UBE3C: variants seen among roughly 807,000 people sequenced by gnomAD.
UBE3C encodes ubiquitin protein ligase E3C.
In UBE3C, 42 loss-of-function variants were observed where a neutral mutation model predicts 129.4. The ratio of observed to expected loss-of-function variants is 0.32; its 90% CI spans 0.25 to 0.42. UBE3C has a LOEUF of 0.42. UBE3C is among the 10% of genes least tolerant of loss of function. The pLI is 1.00. For missense variants in UBE3C, 1,049 were observed against 1,319.1 expected, an observed-to-expected ratio of 0.80 and a Z score of 3.17; for synonymous variants, 510 against 492.4, an observed-to-expected ratio of 1.04 and a Z score of -0.47.
rs555120041 is a variant in UBE3C, at chr7:157,201,963, A to G, written c.1418+156A>G. 3.3e-5 allele frequency among the ~76,000 whole-genome samples: 5 copies of G among 152,310 alleles called. No individual in the cohort carries two copies. In the South Asian group the frequency reaches 8.3e-4, roughly 25 times the overall value. ...AGATGGTCTCAGTTGCACAAAAAGA[A>G]AAATCAGTGTCTAATCTTAACAGTT... is the stretch of plus-strand genomic sequence containing the variant. On this transcript the variant is annotated intron_variant, in intron 11 of 22. Transcript: ENST00000348165.
At position 157,181,358 on chromosome 7, in the gene UBE3C, C is replaced by T. The variant is rs554678238; in HGVS notation, c.617-160C>T. On this transcript the variant is annotated intron_variant, in intron 6 of 22. Coordinates refer to ENST00000348165, the MANE Select transcript of UBE3C (RefSeq NM_014671.3). ...TGGTACATGAGGTTTGTATACCGTT[C>T]GGCTGCCTATATATTTGTTTAGTTT... is the stretch of plus-strand genomic sequence containing the variant. Among the ~76,000 whole-genome samples the T allele has an allele frequency of 1.3e-4, 20 of 152,224 alleles. No homozygotes were observed. The East Asian group carries it at 3.7e-3, about 28-fold the overall frequency.
chr7:157,233,990 A>T (rs1435652298), intron 18 of UBE3C, among the ~76,000 whole-genome samples: 1 of 152,210 alleles, frequency 6.6e-6, no homozygotes, highest in African/African-American at 2.4e-5. Flanking sequence ...CTGTTGAGAA[A>T]TGTCTATTCA....
chr7:157,187,188 T>C (rs1808831033), intron 10 of UBE3C, among the ~76,000 whole-genome samples, 167 bp downstream of exon 10: 1 of 152,204 alleles, frequency 6.6e-6, no homozygotes. Flanking sequence ...GTTTTTCTTT[T>C]CTAAACCAAC....
At chr7:157,211,166 T>TGGAGAGAGAGAGAG (rs1302232603) in intron 13 of UBE3C, among the ~76,000 whole-genome samples, 1 of 66,338 alleles carries the variant, frequency 1.5e-5, no homozygotes, top group East Asian at 5.5e-4. Flanking sequence ...TCCATATGTC[T>TGGAGAGAGAGAGAG]GGAGAGAGAG....
intron 22 of UBE3C, among the ~76,000 whole-genome samples, chr7:157,257,946 CT>C (rs755192643): frequency 0.12 from 16,754 of 135,692 alleles, 1,056 homozygotes; most frequent in African/African-American, 0.15. Context: ...TTCCTTTTTT[CT>C]TTTTTTTTTT....
intron 19 of UBE3C, among the ~76,000 whole-genome samples, chr7:157,251,887 C>A (rs1047827714): frequency 3.3e-5 from 5 of 152,114 alleles, no homozygotes; most frequent in Admixed American, 6.6e-5. Flanking sequence ...GTAATCCCAG[C>A]ACTTTGGGAG....
rs1231163571 is a variant in UBE3C, at chr7:157,163,880, A to C, written c.120+17A>C. On this transcript the variant is annotated intron_variant, in intron 2 of 22. Coordinates refer to ENST00000348165, the MANE Select transcript of UBE3C (RefSeq NM_014671.3). ...AAGAGAGAGGTAAAAACAGTTTTGT[A>C]ATACTCTGTAGATAAGCATTTTTTC... The C allele has an allele frequency of 6.2e-7, 1 of 1,612,014 alleles. No homozygotes were observed. The highest frequency in any genetic ancestry group is 1.3e-5 in the African/African-American group (1 of 74,884).
intron 19 of UBE3C, among the ~76,000 whole-genome samples, chr7:157,250,322 G>A (rs1433830886): frequency 6.6e-6 from 1 of 152,134 alleles, no homozygotes; most frequent in African/African-American, 2.4e-5. Context: ...GAGTAGCTGG[G>A]ATTACAGGCG....
chr7:157,189,468 C>T (rs932969990), intron 10 of UBE3C, among the ~76,000 whole-genome samples: 4 of 152,144 alleles, frequency 2.6e-5, no homozygotes, highest in Non-Finnish European at 4.4e-5. Flanking sequence ...AGAAAGTAGG[C>T]TACCAAAGAT....
At chr7:157,246,726 G>A (rs1024118470) in intron 18 of UBE3C, among the ~76,000 whole-genome samples, 1 of 152,094 alleles carries the variant, frequency 6.6e-6, no homozygotes, top group Non-Finnish European at 1.5e-5. Context: ...TTCCAGTGCT[G>A]CACCTCCAGA....
At chr7:157,245,603 T>C (rs1455679203) in intron 18 of UBE3C, among the ~76,000 whole-genome samples, 1 of 152,214 alleles carries the variant, frequency 6.6e-6, no homozygotes, top group Non-Finnish European at 1.5e-5. Flanking sequence ...CCTTTTTTGC[T>C]ATCTTTTCAA....
chr7:157,266,441 A>G (rs1797081068), intron 22 of UBE3C, among the ~76,000 whole-genome samples: 1 of 152,232 alleles, frequency 6.6e-6, no homozygotes, highest in Non-Finnish European at 1.5e-5. Context: ...TCACATAGGT[A>G]ATGTCGTATG....
chr7:157,258,016 C>T (rs1286245830), intron 22 of UBE3C, among the ~76,000 whole-genome samples: 3 of 148,724 alleles, frequency 2.0e-5, no homozygotes, highest in Admixed American at 6.7e-5. Context: ...GGTGTGATCA[C>T]GGCTCACTGC....
chr7:157,162,521 T>C (rs998594048), intron 1 of UBE3C, among the ~76,000 whole-genome samples: 10 of 151,218 alleles, frequency 6.6e-5, no homozygotes, highest in African/African-American at 1.9e-4. Context: ...ATGATTCATA[T>C]ATAGTGTCTC....
At chr7:157,252,947 A>G (rs1284561806) in intron 19 of UBE3C, among the ~76,000 whole-genome samples, 1 of 152,036 alleles carries the variant, frequency 6.6e-6, no homozygotes, top group Non-Finnish European at 1.5e-5. Flanking sequence ...GTCTTGCTTT[A>G]TCTCAAACTC....
At chr7:157,204,165 G>A (rs1809365308) in intron 11 of UBE3C, among the ~76,000 whole-genome samples, 1 of 152,104 alleles carries the variant, frequency 6.6e-6, no homozygotes, top group South Asian at 2.1e-4. Context: ...GGCACCATCT[G>A]TAAATGTCTC....
chr7:157,158,838 G>A lies in UBE3C; in HGVS notation c.67-4972G>A, dbSNP rs1335368897. 2.6e-5 allele frequency among the ~76,000 whole-genome samples: 4 copies of A among 152,112 alleles called. No homozygotes were observed. In the East Asian group the frequency reaches 5.8e-4, roughly 22 times the overall value. On this transcript the variant is annotated intron_variant, in intron 1 of 22. Coordinates refer to ENST00000348165, the MANE Select transcript of UBE3C (RefSeq NM_014671.3). ...TGATTTTATGACAAATGACAACATA[G>A]ACTCCAAGTGTGTTGAATGGTAAAA...
At position 157,254,402 on chromosome 7, in the gene UBE3C, A is replaced by AAT. The variant is rs1796693373; in HGVS notation, c.2950+92_2950+93insAT. 6 of 599,424 alleles carry AAT rather than the reference A, an allele frequency of 1.0e-5. No individual in the cohort carries two copies. The African/African-American group carries it at 1.1e-4, about 11-fold the overall frequency. 37.1% of individuals were successfully genotyped at this position (599,424 alleles called of 1,614,324 possible). On this transcript the variant is annotated intron_variant, in intron 21 of 22. Coordinates refer to ENST00000348165, the MANE Select transcript of UBE3C (RefSeq NM_014671.3). ...TTATTTTATTTTAATTAATTTATTT[A>AAT]TTTTTTTTTTTTCAGACTGAGTTTC...
chr7:157,166,337 C>CT (rs922637344), intron 2 of UBE3C, among the ~76,000 whole-genome samples: 7 of 152,140 alleles, frequency 4.6e-5, no homozygotes, highest in African/African-American at 1.7e-4. Flanking sequence ...CTAGTTGATT[C>CT]TTTTTAAAAA....
Sources: gnomAD v4.1 joint callset for allele counts (sites outside exome capture counted in the v4.1 genomes callset) on GRCh38, gnomAD v4.1.1 for gene constraint, MANE v1.5 for transcripts, NCBI Gene and HGNC (gene_info 2026-07-23, HGNC 2026-07-21) for gene names.